The following ENPP3 variants were observed in gnomAD, a reference collection of about 807,000 sequenced individuals.
ENPP3 encodes the protein ectonucleotide pyrophosphatase/phosphodiesterase family member 3.
ENPP3 carries 104 observed loss-of-function variants against 117.8 expected under a neutral mutation model. The ratio of observed to expected loss-of-function variants is 0.88; its 90% CI spans 0.75 to 1.04. The LOEUF (loss-of-function observed/expected upper bound fraction) is 1.04. Ranked by LOEUF, ENPP3 falls within the 50% of genes least tolerant of loss-of-function variation. ENPP3 has a pLI of 0.00. For synonymous variants in ENPP3, 380 were observed against 349.9 expected (o/e 1.09, Z -0.96); for missense variants, 1,026 against 1,051.9 (o/e 0.98, Z 0.34).
At chr6:131,647,579 C>T (rs571419481) in intron 2 of ENPP3, among the ~76,000 whole-genome samples, 1 of 152,120 alleles carries the variant, frequency 6.6e-6, no homozygotes, top group Non-Finnish European at 1.5e-5. Context: ...ATGTATTCAT[C>T]ATCCCACTCT....
chr6:131,728,453 C>A lies in ENPP3; in HGVS notation c.1953+2253C>A, dbSNP rs183790111. Among the ~76,000 whole-genome samples, 102 of 152,266 alleles carry A rather than the reference C, an allele frequency of 6.7e-4. 1 individual carries two copies. The highest frequency in any genetic ancestry group is 5.6e-3 in the Admixed American group (86 of 15,292). ...TTGTTATTGTTTTAAAACTAGCTTC[C>A]TTGTTACCAAAAGTTCCTGTCCTTT... is the stretch of plus-strand genomic sequence containing the variant. On this transcript the variant is annotated intron_variant, in intron 20 of 24. Coordinates refer to ENST00000357639, the MANE Select transcript of ENPP3 (RefSeq NM_005021.5).
chr6:131,658,621 G>T (rs1778435551), intron 6 of ENPP3, among the ~76,000 whole-genome samples: 1 of 152,140 alleles, frequency 6.6e-6, no homozygotes, highest in African/African-American at 2.4e-5. Context: ...TATTTTGGTG[G>T]GATGTTCAGC....
At chr6:131,697,049 G>A (rs1298992051) in intron 15 of ENPP3, among the ~76,000 whole-genome samples, 2 of 152,158 alleles carry the variant, frequency 1.3e-5, no homozygotes, top group African/African-American at 4.8e-5. Context: ...TTACAGGCGT[G>A]AGCCACCGTG....
intron 6 of ENPP3, among the ~76,000 whole-genome samples, chr6:131,668,957 G>C (rs1778681670): frequency 6.6e-6 from 1 of 152,234 alleles, no homozygotes; most frequent in African/African-American, 2.4e-5. Flanking sequence ...TGGGTCTATA[G>C]TCAGCAGATG....
intron 14 of ENPP3, among the ~76,000 whole-genome samples, chr6:131,692,302 T>C (rs1779297862): frequency 6.6e-6 from 1 of 152,088 alleles, no homozygotes; most frequent in Admixed American, 6.5e-5. Flanking sequence ...GATACCAATG[T>C]GATTTGCATT....
intron 12 of ENPP3, among the ~76,000 whole-genome samples, chr6:131,683,750 T>TG: frequency 1.2e-5 from 1 of 81,898 alleles, no homozygotes; most frequent in East Asian, 4.6e-4. Context: ...ACTCTACAGG[T>TG]TTTTTTTTTT....
rs1480479053 is a variant in ENPP3, at chr6:131,678,944, T to C, written c.1011+1004T>C. On this transcript the variant is annotated intron_variant, in intron 11 of 24. Coordinates refer to ENST00000357639, the MANE Select transcript of ENPP3 (RefSeq NM_005021.5). ...TTCTTTCTTTCTTTCTTTCTTTCTT[T>C]CTTTCTTTCTTTCTTTCCTTCCTTC... Among the ~76,000 whole-genome samples, 4 of 97,448 alleles carry C rather than the reference T, an allele frequency of 4.1e-5. 1 individual carries two copies. Among genetic ancestry groups the C allele is most frequent in the African/African-American group, 2.8e-4 (4 of 14,036 alleles). The allele number at this position is 97,448 out of a possible 152,430, so 63.9% of individuals were successfully genotyped here. A position where few individuals can be genotyped will look rare whatever the true frequency, so the allele number is the denominator to read the frequency against.
intron 15 of ENPP3, among the ~76,000 whole-genome samples, chr6:131,696,895 G>T (rs1223502618): frequency 6.6e-6 from 1 of 150,922 alleles, no homozygotes; most frequent in Admixed American, 6.6e-5. Flanking sequence ...TCAGCCTCCT[G>T]AGTAGCTGGG....
intron 6 of ENPP3, among the ~76,000 whole-genome samples, chr6:131,665,137 G>A (rs1778591981): frequency 6.6e-6 from 1 of 152,032 alleles, no homozygotes; most frequent in South Asian, 2.1e-4. Context: ...TCATTGTGTT[G>A]TTGAATTTGG....
chr6:131,745,246 A>G (rs890332137), intron 24 of ENPP3, among the ~76,000 whole-genome samples: 2 of 152,036 alleles, frequency 1.3e-5, no homozygotes, highest in African/African-American at 4.8e-5. Flanking sequence ...ATTGAAAGAA[A>G]TAACTCTAAC....
At chr6:131,717,492 C>G (rs567702767) in intron 15 of ENPP3, among the ~76,000 whole-genome samples, 1 of 151,138 alleles carries the variant, frequency 6.6e-6, no homozygotes, top group Non-Finnish European at 1.5e-5. Flanking sequence ...GTCCTTTGTT[C>G]CCTTCAGAGA....
chr6:131,674,200 T>C lies in ENPP3; in HGVS notation c.681T>C (p.Asn227=). The C allele has an allele frequency of 1.9e-6, 3 of 1,585,368 alleles. No homozygotes were observed. Among genetic ancestry groups the C allele is most frequent in the Non-Finnish European group, 2.6e-6 (3 of 1,154,670 alleles). ...AGTCACATGGCATCATTGACAATAA[T>C]ATGTATGATGTAAATCTCAACAAGA... ...YPESHGIIDN[N]MYDVNLNKNF... Residue 227 remains asparagine, a synonymous_variant, in exon 8 of 25, where the codon AAT becomes AAC. Transcript: ENST00000357639.
In ENPP3 at chr6:131,738,144, G is replaced by C. The variant is rs1780441871; in HGVS notation, c.2281G>C (p.Ala761Pro). The stretch of plus-strand genomic sequence containing the variant: ...TTATAATTATGATGGCCATTTTGAT[G>C]CTCCAGATGAAATTACCAAGTAAGT... ...FDYNYDGHFDAPDEITKHLAN... is the reference protein window; with the variant it reads ...FDYNYDGHFDPPDEITKHLAN... Residue 761 changes from alanine (A) to proline (P), a missense_variant, in exon 23 of 25, where the codon GCT becomes CCT. By Grantham distance (27) the Ala-to-Pro change is conservative (BLOSUM62 -1). Coordinates refer to ENST00000357639, the MANE Select transcript of ENPP3 (RefSeq NM_005021.5). 6.2e-7 allele frequency: 1 copy of C among 1,610,506 alleles called. No individual in the cohort carries two copies. The highest frequency in any genetic ancestry group is 2.2e-5 in the East Asian group (1 of 44,668).
intron 15 of ENPP3, among the ~76,000 whole-genome samples, 167 bp from the exon 16 acceptor site, chr6:131,718,505 T>C (rs1231544809): frequency 6.6e-6 from 1 of 152,068 alleles, no homozygotes; most frequent in Non-Finnish European, 1.5e-5. Context: ...TTATTCATTA[T>C]TGATATAAAA....
At chr6:131,722,987 C>T (rs901555259) in intron 18 of ENPP3, among the ~76,000 whole-genome samples, 2 of 152,104 alleles carry the variant, frequency 1.3e-5, no homozygotes, top group Non-Finnish European at 2.9e-5. Flanking sequence ...CTAGGAGAGG[C>T]CCCAAGGGCA....
At chr6:131,738,617 A>C (rs1377404346) in intron 23 of ENPP3, among the ~76,000 whole-genome samples, 6 of 152,190 alleles carry the variant, frequency 3.9e-5, no homozygotes, top group East Asian at 3.8e-4. Flanking sequence ...AGCACTTCCC[A>C]GGAGACAATG....
chr6:131,720,271 A>T, intron 16 of ENPP3, 21 bp from the exon 17 acceptor site: 1 of 1,425,324 alleles, frequency 7.0e-7, no homozygotes, highest in African/African-American at 1.4e-5. Context: ...TAATAATAAT[A>T]ATCTGACTAT....
chr6:131,682,911 GTGC>G lies in ENPP3; in HGVS notation c.1012-141_1012-139del. ...GTATTTGATGAATATGGTAGCATGG[GTGC>G]TAGTGCTGGGCTCTGAGGTTCTGTT... On this transcript the variant is annotated intron_variant, in intron 11 of 24. Transcript: ENST00000357639. The G allele has an allele frequency of 7.8e-6, 5 of 641,368 alleles. No individual in the cohort carries two copies. The Admixed American group carries it at 1.5e-4, about 19-fold the overall frequency. The allele number at this position is 641,368 out of a possible 1,614,324, so 39.7% of individuals were successfully genotyped here.
At chr6:131,671,844 G>A (rs1280101403) in intron 7 of ENPP3, among the ~76,000 whole-genome samples, 3 of 152,224 alleles carry the variant, frequency 2.0e-5, no homozygotes, top group African/African-American at 7.2e-5. Flanking sequence ...ATAAAAAGAT[G>A]TAGGTAGAAT....
Sources: gnomAD v4.1 joint callset for allele counts (sites outside exome capture counted in the v4.1 genomes callset) on GRCh38, gnomAD v4.1.1 for gene constraint, MANE v1.5 for transcripts, NCBI Gene and HGNC (gene_info 2026-07-23, HGNC 2026-07-21) for gene names.